OSBPL11: variants seen among roughly 807,000 people sequenced by gnomAD.
OSBPL11 encodes oxysterol binding protein like 11, also known as oxysterol-binding protein-related protein 11.
OSBPL11 carries 33 observed loss-of-function variants against 84.4 expected under a neutral mutation model. That is an observed-to-expected ratio of 0.39 (90% CI 0.30 to 0.52). OSBPL11 has a LOEUF of 0.52. Among genes scored for constraint, OSBPL11 ranks in the 20% least tolerant of loss-of-function variants. The pLI is 0.72. For synonymous variants in OSBPL11, 276 were observed against 310.2 expected (o/e 0.89, Z 1.16); for missense variants, 736 against 901.1 (o/e 0.82, Z 2.35).
chr3:125,533,369 C>T (rs998401986), intron 11 of OSBPL11, among the ~76,000 whole-genome samples: 1 of 152,008 alleles, frequency 6.6e-6, no homozygotes, highest in African/African-American at 2.4e-5. Context: ...GGACTACAGG[C>T]GTGCACCACC....
At chr3:125,589,057 A>G (rs527529099) in intron 1 of OSBPL11, among the ~76,000 whole-genome samples, 4 of 152,192 alleles carry the variant, frequency 2.6e-5, no homozygotes, top group Non-Finnish European at 5.9e-5. Context: ...ATGATTAGAA[A>G]TGTAGACAAA....
chr3:125,594,988 G>C lies in OSBPL11; in HGVS notation c.-188C>G. ...ACATTCCCACAGAAGTTAAACTTTT[G>C]AGAGGGCAGGGGAAGCAACGAGGAC... is the stretch of plus-strand genomic sequence containing the variant. On this transcript the variant is annotated 5_prime_UTR_variant, in exon 1 of 13. Coordinates refer to ENST00000296220, the MANE Select transcript of OSBPL11 (RefSeq NM_022776.5). 1.7e-6 allele frequency: 1 copy of C among 597,784 alleles called. No individual in the cohort carries two copies. The highest frequency in any genetic ancestry group is 1.8e-5 in the African/African-American group (1 of 54,098). 37.0% of individuals were successfully genotyped at this position (597,784 alleles called of 1,614,324 possible).
At chr3:125,563,596 G>T in intron 7 of OSBPL11, 102 bp downstream of exon 7, 2 of 1,090,438 alleles carry the variant, frequency 1.8e-6, no homozygotes, top group Non-Finnish European at 2.7e-6. Flanking sequence ...TGTTGCTCAG[G>T]TGTTAAGTTG....
chr3:125,544,566 C>A (rs1263303410), intron 10 of OSBPL11, among the ~76,000 whole-genome samples: 1 of 152,124 alleles, frequency 6.6e-6, no homozygotes, highest in Non-Finnish European at 1.5e-5. Context: ...AAGTCAAATT[C>A]TGGATCCTTT....
At chr3:125,586,971 A>C (rs1342667172) in intron 1 of OSBPL11, among the ~76,000 whole-genome samples, 1 of 152,222 alleles carries the variant, frequency 6.6e-6, no homozygotes, top group Non-Finnish European at 1.5e-5. Flanking sequence ...GAAAAGCATA[A>C]GAAAATCAAA....
intron 1 of OSBPL11, among the ~76,000 whole-genome samples, chr3:125,587,320 G>C (rs1388564566): frequency 1.3e-5 from 2 of 152,192 alleles, no homozygotes; most frequent in Non-Finnish European, 2.9e-5. Flanking sequence ...AGGGATCGCA[G>C]AGAAATTTTG....
At position 125,576,948 on chromosome 3, in the gene OSBPL11, T is replaced by C. The variant is rs530954864; in HGVS notation, c.490-583A>G. ...ATCTGCCCACCTCAGCTTCCCGAAG[T>C]GCTGGGATTATAGGCATGAGCCACT... On this transcript the variant is annotated intron_variant, in intron 4 of 12. Transcript: ENST00000296220. Among the ~76,000 whole-genome samples the C allele has an allele frequency of 9.8e-5, 15 of 152,336 alleles. No individual in the cohort carries two copies. The South Asian group carries it at 1.7e-3, about 17-fold the overall frequency.
At chr3:125,590,942 T>C (rs1040412295) in intron 1 of OSBPL11, among the ~76,000 whole-genome samples, 5 of 152,304 alleles carry the variant, frequency 3.3e-5, no homozygotes, top group Middle Eastern at 3.4e-3. Context: ...TATAACTTCA[T>C]GTACTATATT....
rs10541213 is a variant in OSBPL11, at chr3:125,552,141, GTATATA to G, written c.1654+34_1654+39del. ...AAAATACATATATATATGTGTGTGT[GTATATA>G]TATATATATATATAAAATAATTTTT... On this transcript the variant is annotated intron_variant, in intron 9 of 12. Transcript: ENST00000296220. The G allele has an allele frequency of 3.8e-3, 3,239 of 857,136 alleles. 2 individuals carry two copies. Among genetic ancestry groups the G allele is most frequent in the South Asian group, 7.2e-3 (236 of 32,898 alleles). 53.1% of individuals were successfully genotyped at this position (857,136 alleles called of 1,614,324 possible). A position where few individuals can be genotyped will look rare whatever the true frequency, so the allele number is the denominator to read the frequency against.
In OSBPL11 at chr3:125,543,428, A is replaced by T. The variant is rs963356239; in HGVS notation, c.1841+3978T>A. On this transcript the variant is annotated intron_variant, in intron 10 of 12. Transcript: ENST00000296220. ...ATTACAGGCATGAGCCACCGCGCCCAGCCTAGTAAGATATTTTAGATAATA... is the reference window on the plus strand; with the variant it reads ...ATTACAGGCATGAGCCACCGCGCCCTGCCTAGTAAGATATTTTAGATAATA... Among the ~76,000 whole-genome samples, 11 of 151,622 alleles carry T rather than the reference A, an allele frequency of 7.3e-5. 1 individual carries two copies. The highest frequency in any genetic ancestry group is 2.2e-4 in the African/African-American group (9 of 41,326).
chr3:125,578,338 T>G (rs1936362991), intron 4 of OSBPL11, among the ~76,000 whole-genome samples: 1 of 152,124 alleles, frequency 6.6e-6, no homozygotes, highest in Non-Finnish European at 1.5e-5. Flanking sequence ...ATCCATGGAA[T>G]AGAAAAGAGA....
At position 125,560,483 on chromosome 3, in the gene OSBPL11, C is replaced by A; in HGVS notation, c.1051G>T (p.Asp351Tyr). ...TCATCCTCTTTGTGGTCACATGTAT[C>A]CTCTATCTCATCATCTGCATTTATT... ...EEINADDEIEDTCDHKEDDLG... is the reference protein window; with the variant it reads ...EEINADDEIEYTCDHKEDDLG... The change falls in exon 8 of 13, where the codon GAT becomes TAT. Residue 351 changes from aspartate (D) to tyrosine (Y), a missense_variant. By Grantham distance (160) the Asp-to-Tyr change is radical. Transcript: ENST00000296220. 6.3e-7 allele frequency: 1 copy of A among 1,596,642 alleles called. No individual in the cohort carries two copies. Among genetic ancestry groups the A allele is most frequent in the Non-Finnish European group, 8.5e-7 (1 of 1,170,526 alleles).
intron 12 of OSBPL11, among the ~76,000 whole-genome samples, chr3:125,531,192 C>A (rs1935549505): frequency 6.6e-6 from 1 of 151,596 alleles, no homozygotes; most frequent in Non-Finnish European, 1.5e-5. Flanking sequence ...GTTGGCCAGG[C>A]TGGTCTGAAA....
intron 5 of OSBPL11, 142 bp downstream of exon 5, chr3:125,576,047 C>T (rs551872186): frequency 5.0e-5 from 34 of 681,044 alleles, no homozygotes; most frequent in East Asian, 1.2e-4. Context: ...GGAATGTTTA[C>T]GACTTAAAAA....
At chr3:125,563,667 A>T (rs367553656) in intron 7 of OSBPL11, 31 bp downstream of exon 7, 7 of 1,608,548 alleles carry the variant, frequency 4.4e-6, no homozygotes, top group South Asian at 1.1e-5. Flanking sequence ...CTAATTTTTC[A>T]CATCAAAATC....
At chr3:125,536,121 T>TAA (rs200807540) in intron 11 of OSBPL11, among the ~76,000 whole-genome samples, 2 of 144,334 alleles carry the variant, frequency 1.4e-5, no homozygotes, top group Non-Finnish European at 3.0e-5. Flanking sequence ...GGTGACAGAG[T>TAA]GAGTCCATCT....
intron 4 of OSBPL11, 127 bp from the exon 5 acceptor site, chr3:125,576,492 CTAT>C (rs1936325868): frequency 1.6e-6 from 1 of 637,600 alleles, no homozygotes; most frequent in African/African-American, 1.9e-5. Context: ...TCAGAATTGA[CTAT>C]GAGAACATTT....
In OSBPL11 at chr3:125,552,533, G is replaced by A. The variant is rs774079517; in HGVS notation, c.1302C>T (p.Thr434=). The A allele has an allele frequency of 5.6e-6, 9 of 1,614,162 alleles. No individual in the cohort carries two copies. The highest frequency in any genetic ancestry group is 1.6e-4 in the Middle Eastern group (1 of 6,062). Residue 434 remains threonine, a synonymous_variant, in exon 9 of 13, where the codon ACC becomes ACT. Transcript: ENST00000296220. ...CTCCCTTACGGCCTTCATGAAATGAGGTAAGGTAGTACTCAACAAAGCGAA... is the reference window on the plus strand; with the variant it reads ...CTCCCTTACGGCCTTCATGAAATGAAGTAAGGTAGTACTCAACAAAGCGAA... ...RMIRFVEYYL[T]SFHEGRKGAI...
At position 125,576,303 on chromosome 3, in the gene OSBPL11, C is replaced by T. The variant is rs201706095; in HGVS notation, c.552G>A (p.Ser184=). 299 of 1,609,134 alleles carry T rather than the reference C, an allele frequency of 1.9e-4. 1 individual carries two copies. Among genetic ancestry groups the T allele is most frequent in the Admixed American group, 7.8e-4 (46 of 59,032 alleles). The change falls in exon 5 of 13, where the codon TCG becomes TCA. Residue 184 remains serine, a synonymous_variant. Coordinates refer to ENST00000296220, the MANE Select transcript of OSBPL11 (RefSeq NM_022776.5). The part of the protein sequence containing the change: ...SLASSSNSPI[S]QRRPSQNAIS... ...TGGCATTTTGACTTGGTCTCCTCTGCGATATAGGAGAATTACTACTAGATG... is the reference window on the plus strand; with the variant it reads ...TGGCATTTTGACTTGGTCTCCTCTGTGATATAGGAGAATTACTACTAGATG...
Sources: gnomAD v4.1 joint callset for allele counts (sites outside exome capture counted in the v4.1 genomes callset) on GRCh38, gnomAD v4.1.1 for gene constraint, MANE v1.5 for transcripts, NCBI Gene and HGNC (gene_info 2026-07-23, HGNC 2026-07-21) for gene names.